The following DMD variants were observed in gnomAD, a reference collection of about 807,000 sequenced individuals.
The protein encoded by DMD is dystrophin, also known as mutant dystrophin.
A neutral mutation model predicts 330.1 loss-of-function variants in DMD; 63 were observed. The observed-to-expected ratio is 0.19, with a 90% CI of 0.16 to 0.24. DMD has a LOEUF of 0.24. Among genes scored for constraint, DMD ranks in the 10% least tolerant of loss-of-function variants. The pLI, the probability that DMD is intolerant of heterozygous loss-of-function variation, is 1.00. For missense variants in DMD, 3,344 were observed against 2,684.1 expected (o/e 1.25, Z -5.43); for synonymous variants, 1,223 against 959.8 (o/e 1.27, Z -5.07).
intron 52 of DMD, among the ~76,000 whole-genome samples, chrX:31,710,802 T>C (rs969474587): frequency 2.7e-5 from 3 of 111,734 alleles, no homozygotes; most frequent in East Asian, 5.6e-4. Context: ...AAACTGAGGA[T>C]TGGACATTAA....
chrX:32,760,296 G>A (rs2072105822), intron 7 of DMD, among the ~76,000 whole-genome samples: 1 of 109,343 alleles, frequency 9.1e-6, no homozygotes, highest in Non-Finnish European at 1.9e-5. Context: ...GAATCAGTAT[G>A]CCACATAGTA....
At chrX:32,572,257 T>G (rs1603636688) in intron 15 of DMD, among the ~76,000 whole-genome samples, 1 of 111,588 alleles carries the variant, frequency 9.0e-6, no homozygotes, top group Non-Finnish European at 1.9e-5. Flanking sequence ...ATGAAACAAA[T>G]AAATAGCTGG....
At chrX:32,344,155 A>C (rs924280383) in intron 39 of DMD, among the ~76,000 whole-genome samples, 10 of 112,251 alleles carry the variant, frequency 8.9e-5, no homozygotes, top group Non-Finnish European at 1.9e-4. Flanking sequence ...CCATTTTATA[A>C]TTCATGGGAA....
At chrX:33,030,453 T>C (rs1310648065) in intron 1 of DMD, among the ~76,000 whole-genome samples, 1 of 112,172 alleles carries the variant, frequency 8.9e-6, no homozygotes, top group Non-Finnish European at 1.9e-5. Flanking sequence ...GCATTATAAT[T>C]TATAAAGTGA....
chrX:32,136,669 G>T (rs772962786), intron 44 of DMD, among the ~76,000 whole-genome samples: 1 of 112,364 alleles, frequency 8.9e-6, no homozygotes, highest in Non-Finnish European at 1.9e-5. Flanking sequence ...AAAAAACAGG[G>T]TCATTATTTT....
chrX:31,787,182 A>T (rs1055396352), intron 50 of DMD, among the ~76,000 whole-genome samples: 1 of 110,689 alleles, frequency 9.0e-6, no homozygotes, highest in Non-Finnish European at 1.9e-5. Flanking sequence ...GGCCAGCCTG[A>T]TCATTATGGT....
chrX:32,861,208 G>A (rs561433156), intron 2 of DMD, among the ~76,000 whole-genome samples: 2 of 112,280 alleles, frequency 1.8e-5, no homozygotes, highest in Admixed American at 1.9e-4. Flanking sequence ...TTCTGTAAGT[G>A]TTAGCTATCA....
intron 60 of DMD, among the ~76,000 whole-genome samples, chrX:31,363,395 T>C (rs996290181): frequency 5.4e-5 from 5 of 92,251 alleles, no homozygotes; most frequent in Non-Finnish European, 1.1e-4. Flanking sequence ...TTTTTTTTTT[T>C]TTTTGAGACA....
At chrX:31,711,456 CT>C (rs775204655) in intron 52 of DMD, among the ~76,000 whole-genome samples, 1 of 110,423 alleles carries the variant, frequency 9.1e-6, no homozygotes, top group African/African-American at 3.3e-5. Context: ...CTCTACAAAT[CT>C]TTTTTTTTAT....
chrX:32,734,956 G>C (rs2068239308), intron 7 of DMD, among the ~76,000 whole-genome samples: 1 of 109,098 alleles, frequency 9.2e-6, no homozygotes, highest in Admixed American at 9.8e-5. Context: ...ATTCAATTAG[G>C]AAAAGAGAAA....
At chrX:32,321,625 G>C (rs763477265) in intron 41 of DMD, among the ~76,000 whole-genome samples, 91 of 111,321 alleles carry the variant, frequency 8.2e-4, no homozygotes, top group Non-Finnish European at 1.6e-3. Context: ...TTTGTGAATA[G>C]GTTTCAGCTT....
At chrX:32,018,409 G>A (rs1057207038) in intron 44 of DMD, among the ~76,000 whole-genome samples, 1 of 111,170 alleles carries the variant, frequency 9.0e-6, no homozygotes, top group Non-Finnish European at 1.9e-5. Flanking sequence ...TACCACCCGT[G>A]TTCTTTGCGG....
At chrX:31,192,040 G>A (rs2042420971) in intron 67 of DMD, among the ~76,000 whole-genome samples, 1 of 112,140 alleles carries the variant, frequency 8.9e-6, no homozygotes, top group South Asian at 3.7e-4. Context: ...TATAGGACAG[G>A]CAGTCCCTGA....
At chrX:32,182,511 C>T (rs1416867272) in intron 44 of DMD, among the ~76,000 whole-genome samples, 3 of 111,240 alleles carry the variant, frequency 2.7e-5, no homozygotes, top group Admixed American at 1.9e-4. Context: ...TCTGGTAAGA[C>T]TCTACATCCC....
At chrX:33,178,836 C>A (rs1240353320) in intron 1 of DMD, among the ~76,000 whole-genome samples, 7 of 111,547 alleles carry the variant, frequency 6.3e-5, no homozygotes, top group African/African-American at 2.0e-4. Flanking sequence ...TTGCTCTTGT[C>A]TTTTTGAGTA....
intron 7 of DMD, chrX:32,756,397 G>GA (rs1244378313): frequency 9.0e-6 from 1 of 111,464 alleles, no homozygotes; most frequent in African/African-American, 3.3e-5. Flanking sequence ...TAGTAGGTCA[G>GA]AAAAATGTGT....
intron 44 of DMD, among the ~76,000 whole-genome samples, chrX:32,194,303 A>G (rs1401574244): frequency 8.9e-6 from 1 of 112,020 alleles, no homozygotes. Flanking sequence ...CCTGAACAAA[A>G]TAGACAACAT....
intron 30 of DMD, among the ~76,000 whole-genome samples, chrX:32,405,611 T>C (rs1203823103): frequency 1.8e-5 from 2 of 111,515 alleles, no homozygotes; most frequent in African/African-American, 3.3e-5. Flanking sequence ...TATAATTTAA[T>C]TTAAGACTGT....
Position 31,538,973 on chromosome X carries a change from C to T in DMD, c.8218-31520G>A, listed in dbSNP as rs1472562224. Among the ~76,000 whole-genome samples, 3 of 111,528 alleles carry T rather than the reference C, an allele frequency of 2.7e-5. No homozygotes were observed. In the Admixed American group the frequency reaches 2.9e-4, roughly 11 times the overall value. On this transcript the variant is annotated intron_variant, in intron 55 of 78. Coordinates refer to ENST00000357033, the MANE Select transcript of DMD (RefSeq NM_004006.3). ...GGGTTATTCGTTCTCATTATTTTTTCCTCAGACTCTCTCTTCATGGTGAGG... is the reference window on the plus strand; with the variant it reads ...GGGTTATTCGTTCTCATTATTTTTTTCTCAGACTCTCTCTTCATGGTGAGG...
Sources: allele counts gnomAD v4.1 joint callset (sites outside exome capture counted in the v4.1 genomes callset), GRCh38; gene constraint gnomAD v4.1.1; transcripts MANE v1.5; gene names NCBI Gene and HGNC (gene_info 2026-07-23, HGNC 2026-07-21).